CACNA2D4: variants seen among roughly 807,000 people sequenced by gnomAD.
CACNA2D4 encodes the protein calcium voltage-gated channel auxiliary subunit alpha2delta 4, also known as voltage-dependent calcium channel subunit alpha-2/delta-4.
CACNA2D4 carries 157 observed loss-of-function variants against 163.8 expected under a neutral mutation model. That is an observed-to-expected ratio of 0.96 (90% CI 0.84 to 1.09). The LOEUF (loss-of-function observed/expected upper bound fraction) is 1.09. CACNA2D4 is among the 50% of genes least tolerant of loss of function. The pLI is 0.00. For synonymous variants in CACNA2D4, 598 were observed against 586.9 expected, an observed-to-expected ratio of 1.02 and a Z score of -0.27; for missense variants, 1,410 against 1,479.9, an observed-to-expected ratio of 0.95 and a Z score of 0.78.
chr12:1,918,271 C>G lies in CACNA2D4; in HGVS notation c.203G>C (p.Gly68Ala). ...LLGTSLSPAW[G>A]QAKIPLETVK... ...CGTTTCCAGAGGAATCTTGGCCTGTCCCCACGCAGGGGACAGGGAGGTGCC... is the reference window on the plus strand; with the variant it reads ...CGTTTCCAGAGGAATCTTGGCCTGTGCCCACGCAGGGGACAGGGAGGTGCC... Residue 68 changes from glycine to alanine, a missense_variant, in exon 1 of 38, where the codon GGA becomes GCA. Physicochemically the swap from Gly to Ala is moderately conservative, Grantham distance 60. Transcript: ENST00000382722. 6.2e-7 allele frequency: 1 copy of G among 1,606,122 alleles called. No individual in the cohort carries two copies. Among genetic ancestry groups the G allele is most frequent in the Non-Finnish European group, 8.5e-7 (1 of 1,176,938 alleles).
intron 26 of CACNA2D4, chr12:1,831,005 C>T (rs1345894684): frequency 5.6e-6 from 9 of 1,613,978 alleles, no homozygotes; most frequent in Non-Finnish European, 6.8e-6. Flanking sequence ...GCAAGTGTGA[C>T]AGCCGCAGCC....
intron 26 of CACNA2D4, chr12:1,831,522 C>T (rs1313166048): frequency 1.9e-6 from 3 of 1,610,868 alleles, no homozygotes; most frequent in Non-Finnish European, 2.5e-6. Context: ...GTTCTCCTAC[C>T]GAGGTGAGCG....
chr12:1,875,350 G>C lies in CACNA2D4; in HGVS notation c.1720-13C>G. 1 of 1,576,206 alleles carries C rather than the reference G, an allele frequency of 6.3e-7. No homozygotes were observed. Among genetic ancestry groups the C allele is most frequent in the Non-Finnish European group, 8.7e-7 (1 of 1,145,750 alleles). ...TCCCCTCTCTGTACTGGAGTGGGCAGGTCAGGAAGAAAAACATGTGGTCAG... is the reference window on the plus strand; with the variant it reads ...TCCCCTCTCTGTACTGGAGTGGGCACGTCAGGAAGAAAAACATGTGGTCAG... On this transcript the variant is annotated splice_polypyrimidine_tract_variant and intron_variant, in intron 16 of 37. Transcript: ENST00000382722. The surrounding 1 kb of genome is among the most constrained non-coding windows in gnomAD (Gnocchi z 4.0).
chr12:1,826,409 C>A (rs930977452), intron 26 of CACNA2D4, among the ~76,000 whole-genome samples: 1 of 60,718 alleles, frequency 1.6e-5, no homozygotes, highest in South Asian at 6.9e-4. Context: ...AGCCCCCCCC[C>A]CCCCCCCGCC....
intron 26 of CACNA2D4, among the ~76,000 whole-genome samples, chr12:1,819,610 G>A (rs998424061): frequency 2.5e-4 from 38 of 152,150 alleles, no homozygotes; most frequent in African/African-American, 8.7e-4. Flanking sequence ...TGGGGCCCTG[G>A]CTCCCCTCTA....
intron 35 of CACNA2D4, 78 bp from the exon 36 acceptor site, chr12:1,795,858 C>G: frequency 2.1e-6 from 2 of 948,840 alleles, no homozygotes; most frequent in Non-Finnish European, 3.4e-6. Flanking sequence ...CTTCTGGAGA[C>G]TTTAGTGTGG....
chr12:1,828,281 A>AG lies in CACNA2D4; in HGVS notation c.2551+12457dup. Reference sequence around the variant, plus strand: ...TGGGGGTGCCGAGGTGACTGTAGGTAGCGCCATATGGGACCTTAGCCACAC... The same window carrying AG: ...TGGGGGTGCCGAGGTGACTGTAGGTAGGCGCCATATGGGACCTTAGCCACAC... On this transcript the variant is annotated intron_variant, in intron 26 of 37. Transcript: ENST00000382722. The surrounding 1 kb of genome is among the most constrained non-coding windows in gnomAD (Gnocchi z 4.2). 7.2e-7 allele frequency: 1 copy of AG among 1,381,532 alleles called. No individual in the cohort carries two copies. Among genetic ancestry groups the AG allele is most frequent in the Non-Finnish European group, 9.8e-7 (1 of 1,017,686 alleles). The allele number at this position is 1,381,532 out of a possible 1,614,324, so 85.6% of individuals were successfully genotyped here. A position where few individuals can be genotyped will look rare whatever the true frequency, so the allele number is the denominator to read the frequency against.
Position 1,843,330 on chromosome 12 carries a change from G to A in CACNA2D4, c.2470+1072C>T, listed in dbSNP as rs1311194640. Among the ~76,000 whole-genome samples, 2 of 152,126 alleles carry A rather than the reference G, an allele frequency of 1.3e-5. No homozygotes were observed. The highest frequency in any genetic ancestry group is 6.5e-5 in the Admixed American group (1 of 15,280). On this transcript the variant is annotated intron_variant, in intron 25 of 37. Coordinates refer to ENST00000382722, the MANE Select transcript of CACNA2D4 (RefSeq NM_172364.5). The surrounding 1 kb of genome is among the most constrained non-coding windows in gnomAD (Gnocchi z 4.6). ...CAGCTCCAGGACATTTTTCCATCAC[G>A]ACGCTTGAGGATGGTTTGGCAAAGT... is the stretch of plus-strand genomic sequence containing the variant.
chr12:1,888,999 G>A (rs1252551345), intron 6 of CACNA2D4, among the ~76,000 whole-genome samples: 10 of 152,284 alleles, frequency 6.6e-5, no homozygotes, highest in African/African-American at 9.6e-5. Flanking sequence ...GAAAGCCCAC[G>A]ACACCTACAA....
Position 1,853,971 on chromosome 12 carries a change from C to T in CACNA2D4, c.2226G>A (p.Ala742=), listed in dbSNP as rs143480461. Residue 742 remains alanine, a synonymous_variant, in exon 23 of 38, where the codon GCG becomes GCA. Transcript: ENST00000382722. Reference sequence around the variant, plus strand: ...CCTACTCGGACATGTTGAGGGCCAGCGCTGTCCAGTAGGCTTCCATGGGGG... The same window carrying T: ...CCTACTCGGACATGTTGAGGGCCAGTGCTGTCCAGTAGGCTTCCATGGGGG... ...VTAPMEAYWT[A]LALNMSEESE... 5.0e-5 allele frequency: 80 copies of T among 1,613,208 alleles called. No homozygotes were observed. Among genetic ancestry groups the T allele is most frequent in the Admixed American group, 1.0e-4 (6 of 59,956 alleles).
At chr12:1,821,589 G>A (rs771764069) in intron 26 of CACNA2D4, among the ~76,000 whole-genome samples, 7 of 152,206 alleles carry the variant, frequency 4.6e-5, no homozygotes, top group Non-Finnish European at 1.5e-5. Context: ...GGGTCAGGGA[G>A]CCTTAGTGGG....
chr12:1,831,152 G>A (rs1168924157), intron 26 of CACNA2D4: 3 of 1,613,996 alleles, frequency 1.9e-6, no homozygotes, highest in Non-Finnish European at 2.5e-6. Context: ...CCAGCCTGCA[G>A]CGGTTGGACC....
chr12:1,913,833 C>A (rs1175768129), intron 2 of CACNA2D4, among the ~76,000 whole-genome samples: 3 of 152,254 alleles, frequency 2.0e-5, no homozygotes, highest in Non-Finnish European at 4.4e-5. Flanking sequence ...GCCAGTCAAT[C>A]ACTTTCCTCA....
At chr12:1,879,643 G>C (rs1865950977) in intron 14 of CACNA2D4, among the ~76,000 whole-genome samples, 161 bp downstream of exon 14, 1 of 152,226 alleles carries the variant, frequency 6.6e-6, no homozygotes, top group Non-Finnish European at 1.5e-5. Context: ...CCAACCAGGA[G>C]AGTCTGGGGT....
At position 1,917,259 on chromosome 12, in the gene CACNA2D4, G is replaced by A. The variant is rs1008895918; in HGVS notation, c.227+988C>T. Among the ~76,000 whole-genome samples the A allele has an allele frequency of 3.3e-5, 5 of 152,152 alleles. No individual in the cohort carries two copies. The highest frequency in any genetic ancestry group is 5.9e-5 in the Non-Finnish European group (4 of 68,028). On this transcript the variant is annotated intron_variant, in intron 1 of 37. Coordinates refer to ENST00000382722, the MANE Select transcript of CACNA2D4 (RefSeq NM_172364.5). This position sits in a 1 kb window ranked among gnomAD's most constrained non-coding sequence, Gnocchi z 4.3. ...CCACTGAATGGCTCTGCAAACTAAC[G>A]GTGTCATTTGTGAAGCGCCCAGCTC...
In CACNA2D4 at chr12:1,828,400, G is replaced by A. The variant is rs575833831; in HGVS notation, c.2551+12339C>T. 3.3e-5 allele frequency among the ~76,000 whole-genome samples: 5 copies of A among 152,354 alleles called. No individual in the cohort carries two copies. Among genetic ancestry groups the A allele is most frequent in the Middle Eastern group, 3.4e-3 (1 of 294 alleles). The stretch of plus-strand genomic sequence containing the variant: ...TCACGCCCACGGTGACAGCATCCCT[G>A]CCAGTCAGAGTCACCGCTGAGTGCT... On this transcript the variant is annotated intron_variant, in intron 26 of 37. Transcript: ENST00000382722. The surrounding 1 kb of genome is among the most constrained non-coding windows in gnomAD (Gnocchi z 4.2).
chr12:1,873,644 G>C (rs1865828919), intron 18 of CACNA2D4, among the ~76,000 whole-genome samples: 1 of 152,220 alleles, frequency 6.6e-6, no homozygotes, highest in African/African-American at 2.4e-5. Context: ...ATGTGATCAG[G>C]AATCTGGTTG....
intron 32 of CACNA2D4, 29 bp downstream of exon 32, chr12:1,800,357 C>A (rs747496145): frequency 6.2e-7 from 1 of 1,612,566 alleles, no homozygotes; most frequent in African/African-American, 1.3e-5. Context: ...ATGCAGCCCT[C>A]CACCAGCCCC....
intron 6 of CACNA2D4, among the ~76,000 whole-genome samples, chr12:1,905,772 C>T (rs889139359): frequency 1.3e-5 from 2 of 152,044 alleles, no homozygotes; most frequent in Non-Finnish European, 2.9e-5. Flanking sequence ...TCAGTACTGC[C>T]CAAGGTGGTC....
Sources: allele counts gnomAD v4.1 joint callset (sites outside exome capture counted in the v4.1 genomes callset), GRCh38; gene constraint gnomAD v4.1.1; non-coding constraint Gnocchi (gnomAD v3.1); transcripts MANE v1.5; gene names NCBI Gene and HGNC (gene_info 2026-07-23, HGNC 2026-07-21).